The following TMEM229B variants were observed in gnomAD, a reference collection of about 807,000 sequenced individuals.
TMEM229B encodes chromosome 14 open reading frame 83.
In TMEM229B, 6 loss-of-function variants were observed where a neutral mutation model predicts 13.7. The ratio of observed to expected loss-of-function variants is 0.44; its 90% CI spans 0.24 to 0.86. The LOEUF is 0.86. TMEM229B is among the 40% of genes least tolerant of loss of function. The probability of loss-of-function intolerance (pLI) is 0.23; values close to 1 mark genes in which losing one functional copy is unlikely to be tolerated. For missense variants in TMEM229B, 170 were observed against 236.0 expected (o/e 0.72, Z 1.83); for synonymous variants, 107 against 102.1 (o/e 1.05, Z -0.29).
intron 1 of TMEM229B, among the ~76,000 whole-genome samples, chr14:67,514,907 G>A (rs1477226757): frequency 1.3e-5 from 2 of 152,220 alleles, no homozygotes. Context: ...AACCGGGGCA[G>A]CAGCCTCGAA....
At chr14:67,529,631 A>G (rs2033416990) in intron 1 of TMEM229B, among the ~76,000 whole-genome samples, 1 of 152,032 alleles carries the variant, frequency 6.6e-6, no homozygotes, top group Non-Finnish European at 1.5e-5. Flanking sequence ...CCTTCTCTGC[A>G]TGTCCAATCA....
chr14:67,482,736 G>A (rs1235298529), intron 2 of TMEM229B, among the ~76,000 whole-genome samples: 2 of 152,206 alleles, frequency 1.3e-5, no homozygotes, highest in East Asian at 1.9e-4. Flanking sequence ...CTTGCCCAGG[G>A]CCAGAAGGGA....
Position 67,521,608 on chromosome 14 carries a change from A to G in TMEM229B, c.-192+12028T>C, listed in dbSNP as rs78591987. ...AGTGGATAAGGACTATGCAGTATTC[A>G]TGAACACCTTGAGCCTGAAAATGAA... On this transcript the variant is annotated intron_variant, in intron 1 of 2. Coordinates refer to the TMEM229B transcript ENST00000554278. Among the ~76,000 whole-genome samples the G allele has an allele frequency of 8.5e-3, 1,289 of 152,332 alleles. 27 individuals carry two copies. The highest frequency in any genetic ancestry group is 0.03 in the African/African-American group (1,243 of 41,566).
In TMEM229B at chr14:67,473,521, T is replaced by C. The variant is rs1268740615; in HGVS notation, c.403A>G (p.Ile135Val). The C allele has an allele frequency of 6.2e-7, 1 of 1,613,986 alleles. No individual in the cohort carries two copies. ...FCGALIMEQF[I>V]IRNTLRLRFD... The stretch of plus-strand genomic sequence containing the variant: ...CGGAGGCGGAGGGTGTTGCGGATGA[T>C]GAACTGCTCCATGATGAGGGCCCCG... Residue 135 changes from isoleucine to valine, a missense_variant, in exon 3 of 3, where the codon ATC becomes GTC. Ile to Val is a conservative substitution (Grantham distance 29). Coordinates refer to ENST00000554480, the MANE Select transcript of TMEM229B (RefSeq NM_001348543.2). The surrounding 1 kb of genome is among the most constrained non-coding windows in gnomAD (Gnocchi z 6.5).
chr14:67,517,333 G>A (rs1277979575), upstream of TMEM229B, among the ~76,000 whole-genome samples: 5 of 152,210 alleles, frequency 3.3e-5, no homozygotes, highest in Non-Finnish European at 1.5e-5. Context: ...ACAATGGGCT[G>A]GAAAGGCTTC....
intron 1 of TMEM229B, among the ~76,000 whole-genome samples, chr14:67,532,220 T>C (rs1449658453): frequency 2.0e-5 from 3 of 152,142 alleles, no homozygotes; most frequent in Non-Finnish European, 4.4e-5. Context: ...TAGTTAGAGA[T>C]TCAGATTCAA....
chr14:67,531,250 G>A (rs373861894), intron 1 of TMEM229B, among the ~76,000 whole-genome samples: 1 of 152,246 alleles, frequency 6.6e-6, no homozygotes, highest in South Asian at 2.1e-4. Context: ...CTGCATTCTA[G>A]CTTAGGCAAC....
At chr14:67,508,397 T>C (rs920761384) in intron 1 of TMEM229B, among the ~76,000 whole-genome samples, 2 of 151,982 alleles carry the variant, frequency 1.3e-5, no homozygotes, top group African/African-American at 4.8e-5. Flanking sequence ...CTTGTCCAAA[T>C]GATAAGAAAA....
chr14:67,524,596 A>C (rs754793881), intron 1 of TMEM229B, among the ~76,000 whole-genome samples: 68 of 152,150 alleles, frequency 4.5e-4, no homozygotes, highest in Non-Finnish European at 8.8e-5. Flanking sequence ...AATGGAGAAA[A>C]TGGCTGAATA....
At chr14:67,491,013 C>T (rs1222783817), upstream of TMEM229B, among the ~76,000 whole-genome samples, 1 of 152,160 alleles carries the variant, frequency 6.6e-6, no homozygotes, top group East Asian at 1.9e-4. Context: ...GCAGATCCCA[C>T]ATTCTGAGGG....
intron 1 of TMEM229B, among the ~76,000 whole-genome samples, chr14:67,500,421 G>A (rs2140189595): frequency 6.6e-6 from 1 of 152,140 alleles, no homozygotes; most frequent in Admixed American, 6.5e-5. Context: ...TTGCAGGTGA[G>A]CTGAGCTCTC....
intron 2 of TMEM229B, among the ~76,000 whole-genome samples, chr14:67,478,046 C>T (rs575632910): frequency 2.6e-5 from 4 of 152,332 alleles, no homozygotes; most frequent in African/African-American, 7.2e-5. Flanking sequence ...AGTTAGCAAT[C>T]GCCATATAAC....
intron 2 of TMEM229B, among the ~76,000 whole-genome samples, chr14:67,477,091 G>A (rs927479280): frequency 4.0e-5 from 6 of 151,898 alleles, no homozygotes; most frequent in African/African-American, 1.2e-4. Flanking sequence ...GCTTGAACCT[G>A]GGAGGTGGAG....
intron 1 of TMEM229B, among the ~76,000 whole-genome samples, chr14:67,525,917 C>G (rs1253612032): frequency 6.6e-6 from 1 of 152,164 alleles, no homozygotes; most frequent in African/African-American, 2.4e-5. Flanking sequence ...GAGAGTTTCC[C>G]CAATGGCCAG....
intron 1 of TMEM229B, among the ~76,000 whole-genome samples, chr14:67,511,721 C>T (rs1280875695): frequency 2.0e-5 from 3 of 152,192 alleles, no homozygotes; most frequent in African/African-American, 7.2e-5. Flanking sequence ...GCCAGCATCA[C>T]TCTGTGACCT....
chr14:67,474,583 T>A (rs986191094), intron 2 of TMEM229B, among the ~76,000 whole-genome samples: 1 of 152,128 alleles, frequency 6.6e-6, no homozygotes, highest in Non-Finnish European at 1.5e-5. Context: ...TGCCATTTTT[T>A]AACCATGTGT....
intron 1 of TMEM229B, among the ~76,000 whole-genome samples, chr14:67,532,543 C>T (rs1304689306): frequency 6.6e-6 from 1 of 152,146 alleles, no homozygotes; most frequent in Non-Finnish European, 1.5e-5. Flanking sequence ...GATGACTGCC[C>T]TGCAAACTGC....
intron 2 of TMEM229B, among the ~76,000 whole-genome samples, chr14:67,486,595 G>A (rs753796141): frequency 3.7e-4 from 57 of 152,134 alleles, no homozygotes; most frequent in Admixed American, 3.9e-4. Context: ...TTATAAGGGA[G>A]AGTTTCCCTG....
At chr14:67,531,140 G>A (rs2033436880) in intron 1 of TMEM229B, among the ~76,000 whole-genome samples, 1 of 151,840 alleles carries the variant, frequency 6.6e-6, no homozygotes. Context: ...AGGGGCTCTA[G>A]GGGTGATGGT....
Sources: gnomAD v4.1 joint callset for allele counts (sites outside exome capture counted in the v4.1 genomes callset) on GRCh38, gnomAD v4.1.1 for gene constraint, Gnocchi (gnomAD v3.1) non-coding constraint, MANE v1.5 for transcripts, NCBI Gene and HGNC (gene_info 2026-07-23, HGNC 2026-07-21) for gene names.